KANSL1L: variants seen among roughly 807,000 people sequenced by gnomAD.
KANSL1L encodes the protein KAT8 regulatory NSL complex subunit 1-like protein.
Under a neutral mutation model 108.6 loss-of-function variants are expected in KANSL1L, and 25 were observed. That is an observed-to-expected ratio of 0.23 (90% CI 0.17 to 0.32). The LOEUF is 0.32. Among genes scored for constraint, KANSL1L ranks in the 10% least tolerant of loss-of-function variants. The pLI is 1.00. For missense variants in KANSL1L, 1,137 were observed against 1,125.7 expected, an observed-to-expected ratio of 1.01 and a Z score of -0.14; for synonymous variants, 405 against 395.1, an observed-to-expected ratio of 1.03 and a Z score of -0.30.
chr2:210,084,604 G>A (rs2094620165), intron 5 of KANSL1L, among the ~76,000 whole-genome samples: 1 of 151,650 alleles, frequency 6.6e-6, no homozygotes, highest in African/African-American at 2.4e-5. Context: ...GCAATATAGT[G>A]ATTTCTTTTT....
intron 8 of KANSL1L, among the ~76,000 whole-genome samples, chr2:210,034,480 G>A (rs2094072447): frequency 6.6e-6 from 1 of 152,176 alleles, no homozygotes; most frequent in African/African-American, 2.4e-5. Context: ...AATCATGAGG[G>A]AGGAGCCAGC....
chr2:210,115,342 C>G (rs954461499), intron 3 of KANSL1L, among the ~76,000 whole-genome samples: 1 of 151,918 alleles, frequency 6.6e-6, no homozygotes, highest in Admixed American at 6.6e-5. Flanking sequence ...CAAGATATAA[C>G]AATTATAAAC....
chr2:210,050,674 T>C (rs1211365004), intron 6 of KANSL1L, among the ~76,000 whole-genome samples: 2 of 127,496 alleles, frequency 1.6e-5, no homozygotes, highest in African/African-American at 6.1e-5. Flanking sequence ...TGGGGCAACA[T>C]AGTGAGACCA....
At chr2:210,084,486 T>C (rs2094618565) in intron 5 of KANSL1L, among the ~76,000 whole-genome samples, 1 of 152,184 alleles carries the variant, frequency 6.6e-6, no homozygotes, top group Admixed American at 6.5e-5. Context: ...ATTTTAAGTA[T>C]AAAAAGCTTC....
intron 9 of KANSL1L, chr2:210,031,122 A>G (rs1011803846): frequency 5.0e-5 from 12 of 241,014 alleles, no homozygotes; most frequent in Non-Finnish European, 9.5e-5. Flanking sequence ...GCACTAGCCT[A>G]TTTTGAGCAT....
At chr2:210,113,877 T>C (rs1050878793) in intron 3 of KANSL1L, among the ~76,000 whole-genome samples, 14 of 151,924 alleles carry the variant, frequency 9.2e-5, no homozygotes, top group African/African-American at 3.1e-4. Flanking sequence ...GTAAAAATAA[T>C]CAAGTGCAAA....
At chr2:210,170,682 C>G (rs1180071782) in intron 1 of KANSL1L, 1 of 152,370 alleles carries the variant, frequency 6.6e-6, no homozygotes. Flanking sequence ...GGGGTCTCAT[C>G]AAATCCAGTG....
chr2:210,142,942 A>G (rs1015666102), intron 2 of KANSL1L, among the ~76,000 whole-genome samples: 3 of 152,112 alleles, frequency 2.0e-5, no homozygotes, highest in Admixed American at 1.3e-4. Context: ...AATGTTCTAT[A>G]TATCTCTGTT....
At chr2:210,046,672 G>C (rs2094226686) in intron 6 of KANSL1L, among the ~76,000 whole-genome samples, 1 of 152,122 alleles carries the variant, frequency 6.6e-6, no homozygotes, top group Non-Finnish European at 1.5e-5. Flanking sequence ...ATTGGCTGCA[G>C]TCCCAAGCTT....
At chr2:210,163,185 T>C (rs772789037) in intron 1 of KANSL1L, among the ~76,000 whole-genome samples, 168 of 152,302 alleles carry the variant, frequency 1.1e-3, no homozygotes, top group Non-Finnish European at 2.0e-3. Flanking sequence ...GATTTAGATA[T>C]GGCAAGAATG....
intron 2 of KANSL1L, among the ~76,000 whole-genome samples, chr2:210,137,644 T>C (rs908833791): frequency 2.0e-5 from 3 of 152,202 alleles, no homozygotes; most frequent in African/African-American, 7.2e-5. Context: ...ATTTGAAATA[T>C]TGCATTTCCT....
rs192682928 is a variant in KANSL1L, at chr2:210,028,135, A to G, written c.2396+710T>C. On this transcript the variant is annotated intron_variant, in intron 11 of 14. Transcript: ENST00000281772. The stretch of plus-strand genomic sequence containing the variant: ...CTGCCAGTAGGGAGCAGATCTGTGT[A>G]TGGCATTCAGGGACCTCCACAAATC... 1.2e-3 allele frequency among the ~76,000 whole-genome samples: 188 copies of G among 152,296 alleles called. 1 individual carries two copies. The highest frequency in any genetic ancestry group is 4.3e-3 in the African/African-American group (177 of 41,572).
At chr2:210,128,266 T>C (rs2095087138) in intron 3 of KANSL1L, among the ~76,000 whole-genome samples, 1 of 152,200 alleles carries the variant, frequency 6.6e-6, no homozygotes, top group Admixed American at 6.5e-5. Context: ...TGTGGGTGTT[T>C]ACCCCAAAGA....
chr2:210,119,556 T>C (rs2094993969), intron 3 of KANSL1L, among the ~76,000 whole-genome samples: 1 of 152,184 alleles, frequency 6.6e-6, no homozygotes, highest in South Asian at 2.1e-4. Context: ...ATCAATCTGA[T>C]AGATCATATC....
chr2:210,098,227 C>G lies in KANSL1L; in HGVS notation c.1429-20G>C. On this transcript the variant is annotated intron_variant, in intron 4 of 14. Coordinates refer to ENST00000281772, the MANE Select transcript of KANSL1L (RefSeq NM_152519.4). ...TGCACTCTGCAAGGAAACAGTCAAC[C>G]TTTTACTACTGCTAAGCAAGAAATG... The G allele has an allele frequency of 6.2e-7, 1 of 1,602,350 alleles. No homozygotes were observed. Among genetic ancestry groups the G allele is most frequent in the Non-Finnish European group, 8.5e-7 (1 of 1,175,000 alleles).
intron 3 of KANSL1L, among the ~76,000 whole-genome samples, chr2:210,110,374 T>C (rs894169885): frequency 3.3e-5 from 5 of 152,214 alleles, no homozygotes; most frequent in African/African-American, 9.6e-5. Context: ...CTATCTCTTA[T>C]CATATAAAGT....
chr2:210,116,240 C>G (rs1371991963), intron 3 of KANSL1L, among the ~76,000 whole-genome samples: 1 of 152,162 alleles, frequency 6.6e-6, no homozygotes, highest in Non-Finnish European at 1.5e-5. Context: ...AGGACTTTGT[C>G]TTGTGACTTG....
At chr2:210,118,619 G>C (rs2094981747) in intron 3 of KANSL1L, among the ~76,000 whole-genome samples, 1 of 152,122 alleles carries the variant, frequency 6.6e-6, no homozygotes, top group East Asian at 1.9e-4. Flanking sequence ...GGCCAGGGCA[G>C]GCAGACTGCT....
At chr2:210,110,801 TA>T (rs2125459460) in intron 3 of KANSL1L, among the ~76,000 whole-genome samples, 1 of 152,278 alleles carries the variant, frequency 6.6e-6, no homozygotes, top group South Asian at 2.1e-4. Context: ...CACCTTGGAC[TA>T]AACATGGACT....
Sources: allele counts gnomAD v4.1 joint callset (sites outside exome capture counted in the v4.1 genomes callset), GRCh38; gene constraint gnomAD v4.1.1; transcripts MANE v1.5; gene names NCBI Gene and HGNC (gene_info 2026-07-23, HGNC 2026-07-21).